The following LRMDA variants were observed in gnomAD, a reference collection of about 807,000 sequenced individuals.
LRMDA encodes leucine-rich melanocyte differentiation-associated protein.
LRMDA carries 18 observed loss-of-function variants against 29.8 expected under a neutral mutation model. That is an observed-to-expected ratio of 0.60 (90% CI 0.42 to 0.90). LRMDA has a LOEUF of 0.90. Among genes scored for constraint, LRMDA ranks in the 40% least tolerant of loss-of-function variants. The probability of loss-of-function intolerance (pLI) is 0.00; values close to 1 mark genes in which losing one functional copy is unlikely to be tolerated. For synonymous variants in LRMDA, 125 were observed against 109.4 expected, an observed-to-expected ratio of 1.14 and a Z score of -0.89; for missense variants, 273 against 273.9, an observed-to-expected ratio of 1.00 and a Z score of 0.02.
chr10:75,870,849 A>G (rs892708026), intron 2 of LRMDA, among the ~76,000 whole-genome samples: 1 of 151,896 alleles, frequency 6.6e-6, no homozygotes, highest in African/African-American at 2.4e-5. Flanking sequence ...CTGTCTCCCC[A>G]GCTCTGTCCC....
chr10:76,192,005 G>A (rs568825477), intron 5 of LRMDA, among the ~76,000 whole-genome samples: 1 of 152,138 alleles, frequency 6.6e-6, no homozygotes, highest in Non-Finnish European at 1.5e-5. Flanking sequence ...CCCAGGTCTC[G>A]CGTGCGGTAT....
chr10:75,661,724 C>A (rs74147166), intron 2 of LRMDA, among the ~76,000 whole-genome samples: 122 of 152,278 alleles, frequency 8.0e-4, no homozygotes, highest in Middle Eastern at 3.4e-3. Flanking sequence ...AAAAGAAACA[C>A]ACATGATGTA....
At chr10:76,086,050 C>T (rs929010220) in intron 5 of LRMDA, among the ~76,000 whole-genome samples, 1 of 152,190 alleles carries the variant, frequency 6.6e-6, no homozygotes, top group African/African-American at 2.4e-5. Flanking sequence ...TAAAGACTTC[C>T]CTTGACATGC....
intron 2 of LRMDA, among the ~76,000 whole-genome samples, chr10:75,824,161 T>G (rs1844211531): frequency 6.6e-6 from 1 of 152,148 alleles, no homozygotes; most frequent in African/African-American, 2.4e-5. Flanking sequence ...CAAAAAATAT[T>G]TTGATTACAT....
intron 6 of LRMDA, among the ~76,000 whole-genome samples, chr10:76,328,307 G>T (rs1840862000): frequency 6.6e-6 from 1 of 152,166 alleles, no homozygotes; most frequent in African/African-American, 2.4e-5. Context: ...TTATCTGGTA[G>T]CTCTTAGAAG....
intron 5 of LRMDA, among the ~76,000 whole-genome samples, chr10:76,094,258 A>G (rs1466320991): frequency 1.3e-5 from 2 of 152,258 alleles, no homozygotes; most frequent in African/African-American, 4.8e-5. Context: ...ATGCATGTGT[A>G]CTGTAGATAA....
chr10:76,410,799 C>T (rs1841952812), intron 6 of LRMDA, among the ~76,000 whole-genome samples: 2 of 152,014 alleles, frequency 1.3e-5, no homozygotes, highest in Admixed American at 1.3e-4. Flanking sequence ...ACTAAATGTA[C>T]AAAAATTATC....
At chr10:76,310,628 A>G (rs768589595) in intron 5 of LRMDA, among the ~76,000 whole-genome samples, 5 of 152,178 alleles carry the variant, frequency 3.3e-5, no homozygotes, top group Admixed American at 6.5e-5. Context: ...AGCTGTCACA[A>G]TAATTTGGGA....
chr10:75,531,298 G>A (rs1215942057), intron 2 of LRMDA, among the ~76,000 whole-genome samples: 1 of 152,216 alleles, frequency 6.6e-6, no homozygotes, highest in East Asian at 1.9e-4. Flanking sequence ...GTTGGACAAT[G>A]CAGGTTAGTT....
intron 3 of LRMDA, among the ~76,000 whole-genome samples, chr10:76,046,010 C>T (rs1358211349): frequency 1.3e-5 from 2 of 152,344 alleles, no homozygotes; most frequent in Middle Eastern, 3.4e-3. Flanking sequence ...GTGGACCCCA[C>T]TTCTGGGAAC....
chr10:75,751,821 A>G (rs1842972904), intron 2 of LRMDA, among the ~76,000 whole-genome samples: 1 of 152,154 alleles, frequency 6.6e-6, no homozygotes. Context: ...GAGAGGTAGT[A>G]CCTTAGTGGA....
intron 2 of LRMDA, among the ~76,000 whole-genome samples, chr10:75,515,705 T>TA (rs1285241442): frequency 6.6e-6 from 1 of 151,560 alleles, no homozygotes; most frequent in Non-Finnish European, 1.5e-5. Flanking sequence ...TTCTTTTTTC[T>TA]TTTTTTTTAA....
intron 2 of LRMDA, among the ~76,000 whole-genome samples, chr10:75,518,802 G>A (rs1326513705): frequency 6.6e-6 from 1 of 151,998 alleles, no homozygotes; most frequent in Non-Finnish European, 1.5e-5. Flanking sequence ...TTAGGGTGTC[G>A]ATTTTAGATC....
chr10:75,454,902 A>G (rs1844498612), intron 2 of LRMDA, among the ~76,000 whole-genome samples: 1 of 152,232 alleles, frequency 6.6e-6, no homozygotes, highest in Admixed American at 6.5e-5. Context: ...TCTGAGGAGC[A>G]CTGTATTTGT....
intron 6 of LRMDA, among the ~76,000 whole-genome samples, chr10:76,434,501 A>G (rs1214946986): frequency 6.6e-6 from 1 of 152,162 alleles, no homozygotes; most frequent in Non-Finnish European, 1.5e-5. Context: ...AGAATGTGTC[A>G]CAAACTGGAT....
At chr10:75,631,408 C>G (rs1044339946) in intron 2 of LRMDA, among the ~76,000 whole-genome samples, 1 of 151,966 alleles carries the variant, frequency 6.6e-6, no homozygotes, top group Admixed American at 6.6e-5. Flanking sequence ...ACTGCACCCC[C>G]CCCGCCCCGC....
chr10:75,951,616 T>G (rs896080406), intron 2 of LRMDA, among the ~76,000 whole-genome samples: 2 of 152,228 alleles, frequency 1.3e-5, no homozygotes, highest in Admixed American at 1.3e-4. Flanking sequence ...TTTAAAATTC[T>G]TCACTCTGAG....
intron 5 of LRMDA, among the ~76,000 whole-genome samples, chr10:76,224,044 G>A (rs955826752): frequency 6.6e-6 from 1 of 152,136 alleles, no homozygotes; most frequent in African/African-American, 2.4e-5. Context: ...TTAGGGTTGG[G>A]AAGTTGTGGC....
chr10:75,562,734 A>G (rs941763847), intron 2 of LRMDA, among the ~76,000 whole-genome samples: 1 of 152,074 alleles, frequency 6.6e-6, no homozygotes, highest in Non-Finnish European at 1.5e-5. Flanking sequence ...GGTGGTGACA[A>G]AATCTCTCAG....
Sources: allele counts gnomAD v4.1 joint callset (sites outside exome capture counted in the v4.1 genomes callset), GRCh38; gene constraint gnomAD v4.1.1; transcripts MANE v1.5; gene names NCBI Gene and HGNC (gene_info 2026-07-23, HGNC 2026-07-21).